Variants in ZBTB20 observed in about 807,000 individuals in gnomAD.
The protein encoded by ZBTB20 is zinc finger and BTB domain-containing protein 20.
ZBTB20 carries 9 observed loss-of-function variants against 56.9 expected under a neutral mutation model. The observed-to-expected ratio is 0.16, with a 90% CI of 0.10 to 0.28. The LOEUF (loss-of-function observed/expected upper bound fraction) is 0.28. Among genes scored for constraint, ZBTB20 ranks in the 10% least tolerant of loss-of-function variants. The pLI is 1.00. For synonymous variants in ZBTB20, 417 were observed against 420.7 expected, an observed-to-expected ratio of 0.99 and a Z score of 0.11; for missense variants, 655 against 1,003.0, an observed-to-expected ratio of 0.65 and a Z score of 4.69.
intron 5 of ZBTB20, among the ~76,000 whole-genome samples, chr3:114,763,769 C>A (rs2068598261): frequency 6.6e-6 from 1 of 151,870 alleles, no homozygotes; most frequent in Admixed American, 6.6e-5. Flanking sequence ...TTAAATATTT[C>A]TAAAATGCAT....
chr3:114,367,033 G>A (rs376014369), intron 10 of ZBTB20: 15 of 152,248 alleles, frequency 9.9e-5, no homozygotes, highest in Non-Finnish European at 1.9e-4. Flanking sequence ...TTACTTGTAA[G>A]TATTTGTCTT....
chr3:114,686,231 G>T (rs1461553164), intron 6 of ZBTB20, among the ~76,000 whole-genome samples: 1 of 152,188 alleles, frequency 6.6e-6, no homozygotes, highest in African/African-American at 2.4e-5. Flanking sequence ...CAGAAACTCT[G>T]AGTGGTGAGT....
At chr3:114,543,681 A>C (rs1049305665) in intron 6 of ZBTB20, among the ~76,000 whole-genome samples, 3 of 152,222 alleles carry the variant, frequency 2.0e-5, no homozygotes, top group Non-Finnish European at 4.4e-5. Flanking sequence ...TATATTTCTC[A>C]AGTTTCTTAA....
At chr3:114,348,511 A>T (rs983758283) in intron 11 of ZBTB20, among the ~76,000 whole-genome samples, 4 of 152,144 alleles carry the variant, frequency 2.6e-5, no homozygotes, top group African/African-American at 9.7e-5. Flanking sequence ...AAACAAAGCA[A>T]CTCACCACTA....
At chr3:115,030,012 T>TA (rs1490757057) in intron 2 of ZBTB20, among the ~76,000 whole-genome samples, 1 of 151,080 alleles carries the variant, frequency 6.6e-6, no homozygotes, top group Non-Finnish European at 1.5e-5. Context: ...GAGTATCATA[T>TA]AGCAGCTGAA....
At chr3:114,654,393 T>C (rs1160113547) in intron 6 of ZBTB20, among the ~76,000 whole-genome samples, 1 of 152,008 alleles carries the variant, frequency 6.6e-6, no homozygotes, top group East Asian at 1.9e-4. Context: ...GGTATTAAGT[T>C]TGTTGTGTAG....
chr3:114,972,465 T>C (rs1333491194), intron 3 of ZBTB20, among the ~76,000 whole-genome samples: 1 of 152,168 alleles, frequency 6.6e-6, no homozygotes, highest in Non-Finnish European at 1.5e-5. Flanking sequence ...ATCCTGATAT[T>C]TGTGAAGATG....
At chr3:115,110,568 G>C (rs2083848393) in intron 1 of ZBTB20, among the ~76,000 whole-genome samples, 1 of 152,048 alleles carries the variant, frequency 6.6e-6, no homozygotes, top group South Asian at 2.1e-4. Context: ...TAGGATTCTT[G>C]AAAAATAAAA....
chr3:114,813,375 T>A (rs1401096841), intron 4 of ZBTB20, among the ~76,000 whole-genome samples: 1 of 152,256 alleles, frequency 6.6e-6, no homozygotes, highest in Non-Finnish European at 1.5e-5. Context: ...CTCCAGCGAT[T>A]GTTTTTATTA....
intron 7 of ZBTB20, among the ~76,000 whole-genome samples, chr3:114,440,889 G>T (rs887247522): frequency 3.3e-5 from 5 of 152,096 alleles, no homozygotes; most frequent in Non-Finnish European, 5.9e-5. Context: ...CTTTAACTTG[G>T]AACTATTCTC....
chr3:115,013,568 A>G (rs1165024865), intron 2 of ZBTB20, among the ~76,000 whole-genome samples: 1 of 151,718 alleles, frequency 6.6e-6, no homozygotes, highest in African/African-American at 2.4e-5. Flanking sequence ...AAAGCCCACT[A>G]CCTGATGGCT....
At chr3:115,006,247 T>A (rs1046928085) in intron 2 of ZBTB20, among the ~76,000 whole-genome samples, 11 of 151,538 alleles carry the variant, frequency 7.3e-5, no homozygotes, top group Non-Finnish European at 3.0e-5. Context: ...CTAGTTTGCT[T>A]GTTTGTTTGT....
At chr3:114,531,314 T>A (rs541982599) in intron 6 of ZBTB20, among the ~76,000 whole-genome samples, 2 of 152,332 alleles carry the variant, frequency 1.3e-5, no homozygotes, top group East Asian at 3.9e-4. Flanking sequence ...CTAAATCCTG[T>A]AGTGCTTTTA....
At chr3:114,795,915 A>T (rs1353028803) in intron 5 of ZBTB20, among the ~76,000 whole-genome samples, 1 of 152,040 alleles carries the variant, frequency 6.6e-6, no homozygotes, top group Non-Finnish European at 1.5e-5. Context: ...CTATTCCCTT[A>T]AAATTTTGTT....
chr3:114,865,355 C>G (rs1011935095), intron 4 of ZBTB20, among the ~76,000 whole-genome samples: 1 of 152,110 alleles, frequency 6.6e-6, no homozygotes, highest in Non-Finnish European at 1.5e-5. Flanking sequence ...CAGATGAGAA[C>G]CCACATACAG....
At chr3:114,768,670 T>TA (rs1403072904) in intron 5 of ZBTB20, among the ~76,000 whole-genome samples, 2 of 152,212 alleles carry the variant, frequency 1.3e-5, no homozygotes, top group Non-Finnish European at 2.9e-5. Flanking sequence ...ATGTTTCGCA[T>TA]AGTAATTCAT....
At chr3:114,364,132 A>T (rs2082156439) in intron 10 of ZBTB20, among the ~76,000 whole-genome samples, 1 of 152,032 alleles carries the variant, frequency 6.6e-6, no homozygotes, top group South Asian at 2.1e-4. Context: ...TTCAGTACAT[A>T]AATTATCAAT....
At chr3:114,900,245 A>G (rs1469770835) in intron 4 of ZBTB20, 59 bp downstream of exon 4, 3 of 152,152 alleles carry the variant, frequency 2.0e-5, no homozygotes, top group Non-Finnish European at 4.4e-5. Flanking sequence ...ACATAAAAAT[A>G]TTATAACTTG....
At chr3:114,929,618 G>A (rs2076282318) in intron 3 of ZBTB20, among the ~76,000 whole-genome samples, 1 of 152,154 alleles carries the variant, frequency 6.6e-6, no homozygotes, top group Non-Finnish European at 1.5e-5. Flanking sequence ...CTGAAGATAA[G>A]GACAAAATTA....
Sources: allele counts gnomAD v4.1 joint callset (sites outside exome capture counted in the v4.1 genomes callset), GRCh38; gene constraint gnomAD v4.1.1; transcripts MANE v1.5; gene names NCBI Gene and HGNC (gene_info 2026-07-23, HGNC 2026-07-21).